The following CAMTA1 variants were observed in gnomAD, a reference collection of about 807,000 sequenced individuals.
The protein encoded by CAMTA1 is calmodulin-binding transcription activator 1.
CAMTA1 carries 27 observed loss-of-function variants against 170.9 expected under a neutral mutation model. That is an observed-to-expected ratio of 0.16 (90% CI 0.12 to 0.22). The LOEUF (loss-of-function observed/expected upper bound fraction) is 0.22. Ranked by LOEUF, CAMTA1 falls within the 10% of genes least tolerant of loss-of-function variation. The probability of loss-of-function intolerance (pLI) is 1.00; values close to 1 mark genes in which losing one functional copy is unlikely to be tolerated. For synonymous variants in CAMTA1, 833 were observed against 891.5 expected (o/e 0.93, Z 1.17); for missense variants, 1,619 against 2,217.2 (o/e 0.73, Z 5.42).
At chr1:7,406,702 C>T (rs969303824) in intron 5 of CAMTA1, among the ~76,000 whole-genome samples, 1 of 152,030 alleles carries the variant, frequency 6.6e-6, no homozygotes, top group African/African-American at 2.4e-5. Flanking sequence ...GCAGGGCTTA[C>T]GTGTAAAGGG....
At chr1:7,639,481 G>A (rs1269274315) in intron 6 of CAMTA1, among the ~76,000 whole-genome samples, 1 of 152,158 alleles carries the variant, frequency 6.6e-6, no homozygotes, top group Non-Finnish European at 1.5e-5. Flanking sequence ...TTGCTTAGAT[G>A]GAAAGTGCCA....
chr1:6,947,666 GC>G (rs1687800521), intron 3 of CAMTA1, among the ~76,000 whole-genome samples: 1 of 151,934 alleles, frequency 6.6e-6, no homozygotes, highest in Non-Finnish European at 1.5e-5. Flanking sequence ...ACAGGCATGA[GC>G]CACCACCCCT....
intron 6 of CAMTA1, among the ~76,000 whole-genome samples, chr1:7,477,593 TG>T (rs1390020977): frequency 2.6e-5 from 4 of 152,194 alleles, no homozygotes; most frequent in Non-Finnish European, 5.9e-5. Context: ...CCAGAAAATA[TG>T]GCAGAGCTCC....
intron 3 of CAMTA1, among the ~76,000 whole-genome samples, chr1:6,893,873 T>C (rs1334924062): frequency 6.6e-6 from 1 of 152,242 alleles, no homozygotes; most frequent in Non-Finnish European, 1.5e-5. Flanking sequence ...ACCAAAAATA[T>C]CAAGCCCACT....
At chr1:7,408,727 C>T (rs942844251) in intron 5 of CAMTA1, among the ~76,000 whole-genome samples, 2 of 152,220 alleles carry the variant, frequency 1.3e-5, no homozygotes, top group African/African-American at 4.8e-5. Flanking sequence ...GGTCCTCAGC[C>T]TCCATAGCAC....
intron 5 of CAMTA1, among the ~76,000 whole-genome samples, chr1:7,449,785 A>AAAG (rs887285489): frequency 3.3e-5 from 5 of 150,654 alleles, no homozygotes; most frequent in African/African-American, 1.2e-4. Flanking sequence ...AAAAAAAAAA[A>AAAG]AAAGAAAGAA....
At chr1:7,082,974 T>A (rs1640232349) in intron 3 of CAMTA1, among the ~76,000 whole-genome samples, 1 of 152,222 alleles carries the variant, frequency 6.6e-6, no homozygotes, top group South Asian at 2.1e-4. Context: ...GTTAGGGCCT[T>A]TCATAGTGCC....
intron 6 of CAMTA1, among the ~76,000 whole-genome samples, chr1:7,519,611 A>G (rs991836988): frequency 1.3e-5 from 2 of 151,782 alleles, no homozygotes; most frequent in South Asian, 2.1e-4. Context: ...GCCCGGGCCA[A>G]TGATGCCAAA....
chr1:7,584,790 C>T (rs2095294572), intron 6 of CAMTA1, among the ~76,000 whole-genome samples: 2 of 152,136 alleles, frequency 1.3e-5, no homozygotes, highest in African/African-American at 4.8e-5. Flanking sequence ...TCTGGAGATG[C>T]TATCGGTTGT....
intron 5 of CAMTA1, among the ~76,000 whole-genome samples, chr1:7,268,619 C>T (rs1266980970): frequency 6.6e-6 from 1 of 152,108 alleles, no homozygotes; most frequent in African/African-American, 2.4e-5. Context: ...CAGACCTACC[C>T]TAACAAAGCG....
At chr1:6,826,439 A>G (rs1570532830) in intron 3 of CAMTA1, among the ~76,000 whole-genome samples, 1 of 152,362 alleles carries the variant, frequency 6.6e-6, no homozygotes, top group East Asian at 1.9e-4. Context: ...AGACGTGAAA[A>G]TGAAGTAGAT....
At chr1:7,340,528 A>G (rs2083723607) in intron 5 of CAMTA1, among the ~76,000 whole-genome samples, 1 of 115,656 alleles carries the variant, frequency 8.6e-6, no homozygotes, top group African/African-American at 3.4e-5. Flanking sequence ...ATGAGCAGCT[A>G]ATGTGCTGCC....
intron 5 of CAMTA1, among the ~76,000 whole-genome samples, chr1:7,315,716 C>T (rs1006556161): frequency 6.6e-6 from 1 of 152,224 alleles, no homozygotes; most frequent in Non-Finnish European, 1.5e-5. Flanking sequence ...GCAGGGCAGG[C>T]TCCCTCGTAG....
chr1:7,652,307 C>T (rs1333770880), intron 7 of CAMTA1, among the ~76,000 whole-genome samples: 1 of 152,140 alleles, frequency 6.6e-6, no homozygotes, highest in Non-Finnish European at 1.5e-5. Flanking sequence ...GTTTTCTTCC[C>T]CCTTCCTCTC....
At chr1:6,947,659 G>C (rs1469006612) in intron 3 of CAMTA1, among the ~76,000 whole-genome samples, 1 of 151,912 alleles carries the variant, frequency 6.6e-6, no homozygotes, top group Non-Finnish European at 1.5e-5. Flanking sequence ...TGGGATTACA[G>C]GCATGAGCCA....
chr1:7,339,524 G>GT (rs1044346207), intron 5 of CAMTA1, among the ~76,000 whole-genome samples: 1 of 152,190 alleles, frequency 6.6e-6, no homozygotes, highest in East Asian at 1.9e-4. Context: ...GCCATTCTGA[G>GT]TTTTTTTCCT....
intron 3 of CAMTA1, among the ~76,000 whole-genome samples, chr1:7,013,374 G>A (rs1379513724): frequency 1.3e-5 from 2 of 151,748 alleles, no homozygotes; most frequent in East Asian, 1.9e-4. Flanking sequence ...CACCATGCCC[G>A]GCTAATTTTT....
rs1692619987 is a variant in CAMTA1 at position 6,971,997 on chromosome 1, G to T, written c.235-119307G>T. ...GCAGGAGACTGATCGTCTTGATGAG[G>T]TGTGCAGGGCAGGACTTTGTAATTT... On this transcript the variant is annotated intron_variant, in intron 3 of 22. Coordinates refer to ENST00000303635, the MANE Select transcript of CAMTA1 (RefSeq NM_015215.4). The surrounding 1 kb of genome is among the most constrained non-coding windows in gnomAD (Gnocchi z 4.6). Among the ~76,000 whole-genome samples the T allele has an allele frequency of 6.6e-6, 1 of 152,240 alleles. No individual in the cohort carries two copies. The highest frequency in any genetic ancestry group is 2.4e-5 in the African/African-American group (1 of 41,458).
chr1:6,864,569 C>T (rs1571115619), intron 3 of CAMTA1, among the ~76,000 whole-genome samples: 1 of 152,300 alleles, frequency 6.6e-6, no homozygotes, highest in Non-Finnish European at 1.5e-5. Flanking sequence ...CCCCTCTCGC[C>T]TTGTCCTCTG....
Sources: gnomAD v4.1 joint callset for allele counts (sites outside exome capture counted in the v4.1 genomes callset) on GRCh38, gnomAD v4.1.1 for gene constraint, Gnocchi (gnomAD v3.1) non-coding constraint, MANE v1.5 for transcripts, NCBI Gene and HGNC (gene_info 2026-07-23, HGNC 2026-07-21) for gene names.